The following SDK1 variants were observed in gnomAD, a reference collection of about 807,000 sequenced individuals.
SDK1 encodes protein sidekick-1.
A neutral mutation model predicts 245.5 loss-of-function variants in SDK1; 157 were observed. The ratio of observed to expected loss-of-function variants is 0.64; its 90% confidence interval spans 0.56 to 0.73. The LOEUF is 0.73. Ranked by LOEUF, SDK1 falls within the 30% of genes least tolerant of loss-of-function variation. The pLI is 0.00. For synonymous variants in SDK1, 1,647 were observed against 1,278.5 expected, an observed-to-expected ratio of 1.29 and a Z score of -6.15; for missense variants, 3,583 against 3,002.3, an observed-to-expected ratio of 1.19 and a Z score of -4.52.
In SDK1 at chr7:4,117,716, A is replaced by G. The variant is rs958275432; in HGVS notation, c.3823+3442A>G. Among the ~76,000 whole-genome samples, 6 of 152,172 alleles carry G rather than the reference A, an allele frequency of 3.9e-5. No homozygotes were observed. In the East Asian group the frequency reaches 9.7e-4, roughly 24 times the overall value. On this transcript the variant is annotated intron_variant, in intron 25 of 44. Coordinates refer to ENST00000404826, the MANE Select transcript of SDK1 (RefSeq NM_152744.4). The stretch of plus-strand genomic sequence containing the variant: ...CAGCACACTGTGGGCACCAGCACGC[A>G]TCCAGTGTGTCTGCAGGTGCCACCG...
At chr7:4,250,723 T>G (rs2128240714) in intron 44 of SDK1, among the ~76,000 whole-genome samples, 1 of 152,334 alleles carries the variant, frequency 6.6e-6, no homozygotes, top group Admixed American at 6.5e-5. Flanking sequence ...GCTGCCATCT[T>G]GACAATTATG....
intron 5 of SDK1, among the ~76,000 whole-genome samples, chr7:3,941,856 C>T (rs182968974): frequency 4.0e-5 from 6 of 151,400 alleles, no homozygotes; most frequent in East Asian, 1.9e-4. Flanking sequence ...CTGTAGCAAT[C>T]GTGATCTGCT....
At chr7:3,928,169 C>T (rs1014350872) in intron 5 of SDK1, among the ~76,000 whole-genome samples, 8 of 152,098 alleles carry the variant, frequency 5.3e-5, no homozygotes, top group South Asian at 2.1e-4. Flanking sequence ...TAGAATTCTC[C>T]GTTAATATAA....
rs539610411 is a variant in SDK1, at chr7:3,550,618, G to A, written c.299-68462G>A. ...TAATGCTGAACTTTTAGAGCATGTA[G>A]AACAAATCAGAAGTCTCTTGTGCTG... On this transcript the variant is annotated intron_variant, in intron 1 of 44. Transcript: ENST00000404826. Among the ~76,000 whole-genome samples, 7 of 152,266 alleles carry A rather than the reference G, an allele frequency of 4.6e-5. No individual in the cohort carries two copies. In the East Asian group the frequency reaches 1.3e-3, roughly 29 times the overall value.
At chr7:3,972,336 C>T (rs767690983) in intron 12 of SDK1, among the ~76,000 whole-genome samples, 84 of 152,244 alleles carry the variant, frequency 5.5e-4, no homozygotes, top group Non-Finnish European at 6.2e-4. Context: ...GTCTCGGCCT[C>T]CCAAAGTGCT....
In SDK1 at chr7:3,743,902, G is replaced by C. The variant is rs186021587; in HGVS notation, c.714-77548G>C. Among the ~76,000 whole-genome samples the C allele has an allele frequency of 3.1e-3, 472 of 152,254 alleles. 1 individual carries two copies. The highest frequency in any genetic ancestry group is 5.2e-3 in the Non-Finnish European group (351 of 68,016). On this transcript the variant is annotated intron_variant, in intron 4 of 44. Transcript: ENST00000404826. ...GATCATAAAAGATGTCTTCCAATGT[G>C]CTGACATCATGTAGCCACAGGACCA...
At chr7:3,922,886 T>G (rs897220736) in intron 5 of SDK1, among the ~76,000 whole-genome samples, 1 of 152,222 alleles carries the variant, frequency 6.6e-6, no homozygotes, top group African/African-American at 2.4e-5. Flanking sequence ...ATTCCTACTG[T>G]GCTTATATTT....
chr7:4,242,235 G>A (rs1352208460), intron 43 of SDK1, among the ~76,000 whole-genome samples: 5 of 152,316 alleles, frequency 3.3e-5, no homozygotes, highest in East Asian at 1.9e-4. Flanking sequence ...GGATCTGGGC[G>A]TTCCTAGTTC....
chr7:3,576,154 A>G (rs1257342488), intron 1 of SDK1, among the ~76,000 whole-genome samples: 1 of 152,134 alleles, frequency 6.6e-6, no homozygotes. Flanking sequence ...TTTCTACTAG[A>G]CCAGGTGTGC....
At chr7:3,704,170 C>T (rs571211957) in intron 4 of SDK1, among the ~76,000 whole-genome samples, 12 of 152,252 alleles carry the variant, frequency 7.9e-5, no homozygotes, top group African/African-American at 2.4e-4. Context: ...AGTTACTTCA[C>T]TTGGAATAAT....
intron 9 of SDK1, among the ~76,000 whole-genome samples, chr7:3,965,493 C>T (rs1189120473): frequency 6.6e-6 from 1 of 152,080 alleles, no homozygotes; most frequent in Non-Finnish European, 1.5e-5. Context: ...AGGTTTTTTG[C>T]AAAATGAGTT....
chr7:3,773,657 A>G (rs905616048), intron 4 of SDK1, among the ~76,000 whole-genome samples: 4 of 152,136 alleles, frequency 2.6e-5, no homozygotes, highest in African/African-American at 9.7e-5. Context: ...TAATGAGGTA[A>G]TATGGAAATC....
At chr7:3,971,590 G>C (rs1187395483) in intron 12 of SDK1, 22 bp downstream of exon 12, 2 of 1,519,140 alleles carry the variant, frequency 1.3e-6, no homozygotes, top group Non-Finnish European at 1.8e-6. Flanking sequence ...CAGTTACAAT[G>C]CTTTGGGGCT....
At chr7:3,423,183 T>A (rs1285626715) in intron 1 of SDK1, among the ~76,000 whole-genome samples, 1 of 152,216 alleles carries the variant, frequency 6.6e-6, no homozygotes, top group Non-Finnish European at 1.5e-5. Context: ...TTCCATAAGA[T>A]AATTTAAGCA....
chr7:3,308,559 G>A lies in SDK1; in HGVS notation c.298+6675G>A, dbSNP rs532165167. Reference sequence around the variant, plus strand: ...CAATTTCTTGAAAACAGATAGTCAGGTAAATCTATTTCTGATTTTTGGAGA... The same window carrying A: ...CAATTTCTTGAAAACAGATAGTCAGATAAATCTATTTCTGATTTTTGGAGA... On this transcript the variant is annotated intron_variant, in intron 1 of 44. Transcript: ENST00000404826. Among the ~76,000 whole-genome samples the A allele has an allele frequency of 1.1e-4, 16 of 152,076 alleles. No individual in the cohort carries two copies. In the East Asian group the frequency reaches 2.3e-3, roughly 22 times the overall value.
At chr7:4,161,743 A>T in intron 31 of SDK1, 43 bp from the exon 32 acceptor site, 2 of 1,553,784 alleles carry the variant, frequency 1.3e-6, no homozygotes, top group Non-Finnish European at 1.8e-6. Context: ...GGCAGAACAT[A>T]ACAACCACCC....
chr7:3,345,264 ACTT>A (rs1034712488), intron 1 of SDK1, among the ~76,000 whole-genome samples: 148 of 152,306 alleles, frequency 9.7e-4, no homozygotes, highest in African/African-American at 3.6e-3. Flanking sequence ...CTGGGACCTG[ACTT>A]CTTCCAGATA....
intron 4 of SDK1, among the ~76,000 whole-genome samples, chr7:3,784,205 C>G (rs564374798): frequency 6.6e-6 from 1 of 151,604 alleles, no homozygotes; most frequent in African/African-American, 2.4e-5. Flanking sequence ...AGGCATGACC[C>G]CCATGCCTGG....
chr7:3,599,473 G>T (rs941601702), intron 1 of SDK1, among the ~76,000 whole-genome samples: 2 of 152,092 alleles, frequency 1.3e-5, no homozygotes, highest in Non-Finnish European at 2.9e-5. Context: ...TTTTAATATT[G>T]ATAAGGTTTA....
Sources: allele counts gnomAD v4.1 joint callset (sites outside exome capture counted in the v4.1 genomes callset), GRCh38; gene constraint gnomAD v4.1.1; transcripts MANE v1.5; gene names NCBI Gene and HGNC (gene_info 2026-07-23, HGNC 2026-07-21).